Variants in ZNF730 observed in about 807,000 individuals in gnomAD.
The protein encoded by ZNF730 is putative zinc finger protein 730.
A neutral mutation model predicts 12.6 loss-of-function variants in ZNF730; 12 were observed. The observed-to-expected ratio is 0.95, with a 90% confidence interval of 0.61 to 1.54. The LOEUF is 1.54. ZNF730 is among the 40% of genes most tolerant of loss of function. The pLI, the probability that ZNF730 is intolerant of heterozygous loss-of-function variation, is 0.00. For synonymous variants in ZNF730, 194 were observed against 195.8 expected, an observed-to-expected ratio of 0.99 and a Z score of 0.08; for missense variants, 643 against 583.5, an observed-to-expected ratio of 1.10 and a Z score of -1.05.
rs544985171 is a variant in ZNF730 at position 23,132,808 on chromosome 19, C to A, written c.4-1272C>A. ...TTCTGAAAAAAATTATTAGGAGATACTTGTTCTCCATGGTGCTAAAGAAAG... is the reference window on the plus strand; with the variant it reads ...TTCTGAAAAAAATTATTAGGAGATAATTGTTCTCCATGGTGCTAAAGAAAG... On this transcript the variant is annotated intron_variant, in intron 1 of 3. Transcript: ENST00000597761. Among the ~76,000 whole-genome samples the A allele has an allele frequency of 3.9e-5, 6 of 152,306 alleles. No individual in the cohort carries two copies. In the South Asian group the frequency reaches 1.2e-3, roughly 32 times the overall value.
rs568956726 is a variant in ZNF730 at position 23,107,773 on chromosome 19, T to A, written c.-93-26307T>A. Among the ~76,000 whole-genome samples the A allele has an allele frequency of 2.4e-4, 37 of 152,378 alleles. 1 individual carries two copies. In the South Asian group the frequency reaches 7.7e-3, roughly 32 times the overall value. On this transcript the variant is annotated intron_variant, in intron 1 of 2. Transcript: ENST00000593635. The stretch of plus-strand genomic sequence containing the variant: ...GCAGCATCTTTTGGTTTGTTTATGG[T>A]GGAACACACTCAGGACAAGATCATA...
Position 23,119,699 on chromosome 19 carries a change from C to A in ZNF730, c.3+2523C>A, listed in dbSNP as rs146981569. Among the ~76,000 whole-genome samples, 513 of 152,170 alleles carry A rather than the reference C, an allele frequency of 3.4e-3. 4 individuals carry two copies. The highest frequency in any genetic ancestry group is 0.012 in the African/African-American group (498 of 41,534). Reference sequence around the variant, plus strand: ...GGGTGTGGTGGTGCACACCTGTAATCCCAGCTGCTCGGGAGGCTGAGGTAG... The same window carrying A: ...GGGTGTGGTGGTGCACACCTGTAATACCAGCTGCTCGGGAGGCTGAGGTAG... On this transcript the variant is annotated intron_variant, in intron 1 of 3. Coordinates refer to ENST00000597761, the MANE Select transcript of ZNF730 (RefSeq NM_001277403.2).
At chr19:23,107,435 TAAAAAAAAAATACCAAAA>T (rs1970405846) in intron 1 of ZNF730, among the ~76,000 whole-genome samples, 1 of 63,024 alleles carries the variant, frequency 1.6e-5, no homozygotes, top group South Asian at 6.2e-4. Flanking sequence ...GTCTCTACTT[TAAAAAAAAAATACCAAAA>T]AAAAAAAAAA....
At chr19:23,132,441 T>C (rs1395315291) in intron 1 of ZNF730, among the ~76,000 whole-genome samples, 1 of 152,186 alleles carries the variant, frequency 6.6e-6, no homozygotes, top group Non-Finnish European at 1.5e-5. Flanking sequence ...AATGAGTTTG[T>C]TGTAACTACG....
intron 3 of ZNF730, chr19:23,144,039 A>G (rs1970966417): frequency 6.6e-6 from 1 of 151,266 alleles, no homozygotes; most frequent in Non-Finnish European, 1.5e-5. Context: ...TTTTTTCAAT[A>G]TTTTTGTTCT....
chr19:23,120,125 GC>G (rs1970581420), intron 1 of ZNF730, among the ~76,000 whole-genome samples: 3 of 151,650 alleles, frequency 2.0e-5, no homozygotes, highest in African/African-American at 7.2e-5. Context: ...CTCCCAAGTA[GC>G]CAGGACTACA....
At chr19:23,126,797 A>AT in intron 1 of ZNF730, 2 of 520,200 alleles carry the variant, frequency 3.8e-6, no homozygotes, top group Admixed American at 2.3e-5. Context: ...GAACATCTTT[A>AT]TTTTTTGCTC....
chr19:23,134,021 A>G, intron 1 of ZNF730, 59 bp from the exon 2 acceptor site: 3 of 1,598,736 alleles, frequency 1.9e-6, no homozygotes, highest in Non-Finnish European at 1.7e-6. Flanking sequence ...CCTTGAGTGA[A>G]ACTTAAAATT....
At chr19:23,087,568 A>G (rs1192867006) in intron 1 of ZNF730, among the ~76,000 whole-genome samples, 3 of 148,238 alleles carry the variant, frequency 2.0e-5, no homozygotes, top group Non-Finnish European at 3.0e-5. Context: ...GAATAGTTTG[A>G]TTTCCTCTTT....
intron 1 of ZNF730, among the ~76,000 whole-genome samples, chr19:23,084,704 C>G (rs754090695): frequency 4.3e-4 from 65 of 152,184 alleles, no homozygotes; most frequent in Non-Finnish European, 6.9e-4. Flanking sequence ...TAAATGAGAA[C>G]ATGCAGTATT....
chr19:23,119,403 GC>G (rs1177776249), intron 1 of ZNF730, among the ~76,000 whole-genome samples: 2 of 152,170 alleles, frequency 1.3e-5, no homozygotes, highest in Non-Finnish European at 2.9e-5. Context: ...TAGTGGATTA[GC>G]TTTTTAATGT....
chr19:23,108,493 A>G (rs967242834), intron 1 of ZNF730, among the ~76,000 whole-genome samples: 2 of 152,206 alleles, frequency 1.3e-5, no homozygotes, highest in African/African-American at 4.8e-5. Flanking sequence ...CAGCGCTGCC[A>G]TTGTAAAAAT....
At chr19:23,083,629 C>T (rs560917119) in intron 1 of ZNF730, among the ~76,000 whole-genome samples, 2 of 150,602 alleles carry the variant, frequency 1.3e-5, no homozygotes, top group East Asian at 3.9e-4. Context: ...ATTCTAATAG[C>T]GTTAGGTTGT....
chr19:23,142,779 T>A (rs979840541), intron 3 of ZNF730, among the ~76,000 whole-genome samples: 1 of 120,358 alleles, frequency 8.3e-6, no homozygotes, highest in Non-Finnish European at 1.8e-5. Flanking sequence ...AGACTTACTG[T>A]TATTTTATTA....
intron 1 of ZNF730, among the ~76,000 whole-genome samples, chr19:23,118,860 A>G (rs1264059008): frequency 2.0e-5 from 3 of 152,210 alleles, no homozygotes; most frequent in Non-Finnish European, 4.4e-5. Flanking sequence ...GAGTTACAAG[A>G]TTTATGAAAT....
At chr19:23,094,606 TG>T (rs1428067957) in intron 1 of ZNF730, among the ~76,000 whole-genome samples, 2 of 152,152 alleles carry the variant, frequency 1.3e-5, no homozygotes, top group Admixed American at 1.3e-4. Context: ...CCCAAGTATC[TG>T]GGATTACAGG....
intron 3 of ZNF730, chr19:23,143,630 C>T (rs1159341058): frequency 6.6e-6 from 1 of 152,086 alleles, no homozygotes; most frequent in Non-Finnish European, 1.5e-5. Context: ...TATGCAGTGC[C>T]AATATACTTT....
upstream of ZNF730, among the ~76,000 whole-genome samples, chr19:23,116,383 TTCTC>T (rs913004285): frequency 1.4e-3 from 213 of 147,944 alleles, 1 homozygote; most frequent in African/African-American, 4.9e-3. Context: ...TTCTTTCTTT[TTCTC>T]TCTCTCTTTC....
intron 3 of ZNF730, among the ~76,000 whole-genome samples, chr19:23,140,673 G>C (rs114686989): frequency 6.7e-6 from 1 of 149,222 alleles, no homozygotes; most frequent in African/African-American, 2.5e-5. Flanking sequence ...ACTATTTAAG[G>C]CCGGGCGTGG....
Sources: gnomAD v4.1 joint callset for allele counts (sites outside exome capture counted in the v4.1 genomes callset) on GRCh38, gnomAD v4.1.1 for gene constraint, MANE v1.5 for transcripts, NCBI Gene and HGNC (gene_info 2026-07-23, HGNC 2026-07-21) for gene names.